The following ZNF735 variants were observed in gnomAD, a reference collection of about 807,000 sequenced individuals.
ZNF735 encodes the protein putative zinc finger protein 735.
A neutral mutation model predicts 13.4 loss-of-function variants in ZNF735; 11 were observed. The ratio of observed to expected loss-of-function variants is 0.82; its 90% confidence interval spans 0.52 to 1.36. The LOEUF (loss-of-function observed/expected upper bound fraction) is 1.36. Among genes scored for constraint, ZNF735 ranks in the 40% most tolerant of loss-of-function variants. The pLI, the probability that ZNF735 is intolerant of heterozygous loss-of-function variation, is 0.00. For missense variants in ZNF735, 500 were observed against 484.6 expected, an observed-to-expected ratio of 1.03 and a Z score of -0.30; for synonymous variants, 171 against 162.6, an observed-to-expected ratio of 1.05 and a Z score of -0.39.
intron 3 of ZNF735, among the ~76,000 whole-genome samples, chr7:64,215,533 T>C (rs1787409153): frequency 6.6e-6 from 1 of 152,236 alleles, no homozygotes; most frequent in South Asian, 2.1e-4. Flanking sequence ...TTTTGAAGTT[T>C]AGCCCAGTTA....
intron 3 of ZNF735, among the ~76,000 whole-genome samples, chr7:64,217,652 CCTAGTAAATGGA>C (rs1787438169): frequency 6.6e-6 from 1 of 151,844 alleles, no homozygotes; most frequent in Non-Finnish European, 1.5e-5. Flanking sequence ...GTTACAGATT[CCTAGTAAATGGA>C]CTCATTTTAC....
intron 1 of ZNF735, among the ~76,000 whole-genome samples, chr7:64,207,986 C>CA (rs111916875): frequency 0.12 from 16,668 of 142,870 alleles, 1,313 homozygotes; most frequent in East Asian, 0.32. Flanking sequence ...GACTCCACCT[C>CA]AAAAAAAAAA....
chr7:64,219,825 A>T, exon 4 of ZNF735: 1 of 1,613,492 alleles, frequency 6.2e-7, no homozygotes, highest in Non-Finnish European at 8.5e-7. Context: ...ACCTTACTAG[A>T]CATAAGAGAA....
chr7:64,207,292 C>A (rs117296995), intron 1 of ZNF735, 51 bp downstream of exon 1: 58,605 of 1,614,062 alleles, frequency 0.036, 1,761 homozygotes, highest in East Asian at 0.17. Flanking sequence ...TGGTTGGAAC[C>A]GGCTGAAAGT....
At chr7:64,208,499 T>C (rs1005339973) in intron 1 of ZNF735, among the ~76,000 whole-genome samples, 9 of 151,932 alleles carry the variant, frequency 5.9e-5, no homozygotes, top group African/African-American at 1.9e-4. Flanking sequence ...TCAGGTGATC[T>C]GCCTGCCTCA....
intron 3 of ZNF735, among the ~76,000 whole-genome samples, chr7:64,218,414 AGTTT>A (rs1253659383): frequency 4.0e-5 from 6 of 151,366 alleles, no homozygotes; most frequent in Admixed American, 2.0e-4. Context: ...TGTATATCCT[AGTTT>A]GTTTGTTTAA....
intron 3 of ZNF735, among the ~76,000 whole-genome samples, chr7:64,215,405 C>G (rs753405182): frequency 6.6e-6 from 1 of 152,146 alleles, no homozygotes; most frequent in Non-Finnish European, 1.5e-5. Context: ...TTGTCTACTT[C>G]TAGGAGTCGT....
At chr7:64,216,089 A>G (rs1470255713) in intron 3 of ZNF735, among the ~76,000 whole-genome samples, 2 of 151,940 alleles carry the variant, frequency 1.3e-5, no homozygotes, top group Admixed American at 6.6e-5. Context: ...AGGTCAGGAG[A>G]TCAAGACCAT....
Position 64,207,235 on chromosome 7 carries a change from A to G in ZNF735, c.33A>G (p.Arg11=), listed in dbSNP as rs372256967. The G allele has an allele frequency of 1.3e-3, 2,038 of 1,614,110 alleles. 12 individuals are homozygous for G. Among genetic ancestry groups the G allele is most frequent in the Non-Finnish European group, 1.5e-3 (1,772 of 1,180,036 alleles). ...AAAGACCGGGACCCCCTGGAAGCCG[A>G]GAAATGGTGAGTGCTGGGTCTGTCA... Residue 11 remains arginine (R), a synonymous_variant, in exon 1 of 4, where the codon CGA becomes CGG. Transcript: ENST00000429565.
chr7:64,207,869 C>T (rs1466366759), intron 1 of ZNF735, among the ~76,000 whole-genome samples: 2 of 152,124 alleles, frequency 1.3e-5, no homozygotes, highest in African/African-American at 4.8e-5. Context: ...TGCCTGTAGT[C>T]CCAGCTACTC....
rs144239914 is a variant in ZNF735, at chr7:64,210,815, G to C, written c.40-2277G>C. Among the ~76,000 whole-genome samples, 263 of 152,274 alleles carry C rather than the reference G, an allele frequency of 1.7e-3. 1 individual carries two copies. The highest frequency in any genetic ancestry group is 6.1e-3 in the African/African-American group (252 of 41,554). ...GGGTGAATGTTTTCTGCAAGTCTCG[G>C]TCTTTCTGCCCTTGGGTGTGTGTGG... On this transcript the variant is annotated intron_variant, in intron 1 of 3. Transcript: ENST00000429565.
exon 4 of ZNF735, chr7:64,219,695 G>A: frequency 1.3e-6 from 2 of 1,589,274 alleles, no homozygotes; most frequent in Non-Finnish European, 1.7e-6. Flanking sequence ...TCCTACAAAT[G>A]TGAAGAATGT....
intron 2 of ZNF735, among the ~76,000 whole-genome samples, chr7:64,213,604 T>C (rs1402940861): frequency 1.3e-5 from 2 of 152,210 alleles, no homozygotes; most frequent in Admixed American, 6.5e-5. Context: ...ATTAATTTTC[T>C]AGAATTTTCT....
intron 3 of ZNF735, among the ~76,000 whole-genome samples, chr7:64,214,341 T>G (rs1222789741): frequency 2.0e-5 from 3 of 152,174 alleles, no homozygotes; most frequent in African/African-American, 7.2e-5. Context: ...ATAATCTTTC[T>G]TCAGGTTCAC....
exon 1 of ZNF735, chr7:64,207,224 C>T: frequency 1.2e-6 from 2 of 1,614,164 alleles, no homozygotes; most frequent in South Asian, 1.1e-5. Context: ...ACCGGGACCC[C>T]CTGGAAGCCG....
Position 64,219,337 on chromosome 7 carries a change from GA to G in ZNF735, c.287del (p.Asp96AlafsTer8). ...AGTTACATGTTCTCATTTCAACCAA[GA>G]CCTTCAGCCAGAGCAGAGCATAAAA... On this transcript the variant is annotated frameshift_variant, in exon 4 of 4. Transcript: ENST00000429565. LOFTEE classifies it low-confidence loss of function (END_TRUNC). The G allele has an allele frequency of 6.2e-7, 1 of 1,612,796 alleles. No individual in the cohort carries two copies. The highest frequency in any genetic ancestry group is 1.1e-5 in the South Asian group (1 of 90,760).
chr7:64,216,091 C>A (rs1200807595), intron 3 of ZNF735, among the ~76,000 whole-genome samples: 4 of 151,842 alleles, frequency 2.6e-5, no homozygotes, highest in Non-Finnish European at 5.9e-5. Flanking sequence ...GTCAGGAGAT[C>A]AAGACCATCC....
chr7:64,208,244 G>GTT (rs71060562), intron 1 of ZNF735, among the ~76,000 whole-genome samples: 3,194 of 92,778 alleles, frequency 0.034, 868 homozygotes, highest in Non-Finnish European at 0.051. Context: ...TCCAATAAAT[G>GTT]TTTTTTTTTT....
exon 4 of ZNF735, chr7:64,219,453 G>A: frequency 6.2e-7 from 1 of 1,613,918 alleles, no homozygotes. Context: ...GAGTAGATGA[G>A]TGTGAGGTGC....
Sources: allele counts gnomAD v4.1 joint callset (sites outside exome capture counted in the v4.1 genomes callset), GRCh38; gene constraint gnomAD v4.1.1; transcripts MANE v1.5; gene names NCBI Gene and HGNC (gene_info 2026-07-23, HGNC 2026-07-21).